The following MYRIP variants were observed in gnomAD, a reference collection of about 807,000 sequenced individuals.
MYRIP encodes the protein myosin VIIA and Rab interacting protein.
MYRIP carries 49 observed loss-of-function variants against 98.0 expected under a neutral mutation model. The observed-to-expected ratio is 0.50, with a 90% CI of 0.40 to 0.63. The LOEUF (loss-of-function observed/expected upper bound fraction) is 0.63. MYRIP is among the 30% of genes least tolerant of loss of function. The pLI is 0.00. For missense variants in MYRIP, 1,004 were observed against 1,058.2 expected, an observed-to-expected ratio of 0.95 and a Z score of 0.71; for synonymous variants, 404 against 409.5, an observed-to-expected ratio of 0.99 and a Z score of 0.16.
intron 2 of MYRIP, among the ~76,000 whole-genome samples, chr3:39,991,815 T>A (rs1230020949): frequency 6.6e-6 from 1 of 152,244 alleles, no homozygotes; most frequent in African/African-American, 2.4e-5. Flanking sequence ...TCTACTGTGC[T>A]GTATAACTTT....
At position 40,019,154 on chromosome 3, in the gene MYRIP, A is replaced by G. The variant is rs368476715; in HGVS notation, c.111-24896A>G. 1.3e-3 allele frequency among the ~76,000 whole-genome samples: 204 copies of G among 152,232 alleles called. 3 individuals are homozygous for G. In the South Asian group the frequency reaches 0.04, roughly 30 times the overall value. On this transcript the variant is annotated intron_variant, in intron 2 of 16. Coordinates refer to ENST00000302541, the MANE Select transcript of MYRIP (RefSeq NM_015460.4). ...AAGTAGATTGATAGTTTCATTGCCC[A>G]TCATTGCCAATGAATTTGTCTTCTT...
chr3:40,113,888 A>G (rs972909281), intron 3 of MYRIP, among the ~76,000 whole-genome samples: 15 of 151,880 alleles, frequency 9.9e-5, no homozygotes, highest in African/African-American at 3.6e-4. Context: ...ACAGGGTTTC[A>G]CCATGTTAGC....
At chr3:40,139,414 G>A (rs1408168245) in intron 3 of MYRIP, among the ~76,000 whole-genome samples, 4 of 152,156 alleles carry the variant, frequency 2.6e-5, no homozygotes, top group African/African-American at 7.2e-5. Flanking sequence ...TGTCAGTCCC[G>A]CTGCTGGCTC....
intron 8 of MYRIP, among the ~76,000 whole-genome samples, chr3:40,177,979 G>A (rs914603130): frequency 2.0e-5 from 3 of 151,962 alleles, no homozygotes; most frequent in African/African-American, 7.3e-5. Context: ...AGTACTTTTT[G>A]TCATTGCTAT....
intron 1 of MYRIP, among the ~76,000 whole-genome samples, chr3:39,890,035 C>A (rs1167256843): frequency 6.6e-6 from 1 of 152,040 alleles, no homozygotes; most frequent in Non-Finnish European, 1.5e-5. Context: ...TTCTCTACTC[C>A]TCCCAGATAA....
chr3:39,968,607 T>C (rs1001132093), intron 2 of MYRIP, among the ~76,000 whole-genome samples: 3 of 152,206 alleles, frequency 2.0e-5, no homozygotes, highest in Non-Finnish European at 4.4e-5. Flanking sequence ...CTTATTTTTG[T>C]CAGTTTTCTT....
At chr3:40,097,271 C>T (rs1228352034) in intron 3 of MYRIP, among the ~76,000 whole-genome samples, 1 of 152,138 alleles carries the variant, frequency 6.6e-6, no homozygotes, top group Admixed American at 6.5e-5. Context: ...AAAGAGAGAT[C>T]AAGTAACTTG....
chr3:39,956,381 A>G (rs1945162838), intron 2 of MYRIP, among the ~76,000 whole-genome samples: 1 of 152,196 alleles, frequency 6.6e-6, no homozygotes, highest in Non-Finnish European at 1.5e-5. Context: ...AACTCACTCA[A>G]AACAACCCAA....
At chr3:39,831,967 A>G (rs955513557) in intron 1 of MYRIP, among the ~76,000 whole-genome samples, 1 of 152,238 alleles carries the variant, frequency 6.6e-6, no homozygotes, top group Non-Finnish European at 1.5e-5. Flanking sequence ...GGAAGAAGTT[A>G]GAGTTGTTTG....
rs1575572940 is a variant in MYRIP, at chr3:40,143,865, C to G, written c.333-7183C>G. ...ACCTGTGGTTTTACAGCTCATTCCC[C>G]ACGGATTTGCTGTAGTCTTCCACCT... On this transcript the variant is annotated intron_variant, in intron 3 of 16. Coordinates refer to ENST00000302541, the MANE Select transcript of MYRIP (RefSeq NM_015460.4). Among the ~76,000 whole-genome samples, 2 of 152,302 alleles carry G rather than the reference C, an allele frequency of 1.3e-5. 1 individual carries two copies. Among genetic ancestry groups the G allele is most frequent in the South Asian group, 4.1e-4 (2 of 4,822 alleles).
At chr3:40,048,817 AAAATT>A (rs1419717307) in intron 3 of MYRIP, among the ~76,000 whole-genome samples, 26 of 152,196 alleles carry the variant, frequency 1.7e-4, no homozygotes, top group African/African-American at 6.0e-4. Flanking sequence ...GGGAGATTAA[AAAATT>A]AAATGTATTA....
intron 2 of MYRIP, among the ~76,000 whole-genome samples, chr3:39,988,396 A>T (rs1361362503): frequency 1.3e-5 from 2 of 151,782 alleles, no homozygotes; most frequent in African/African-American, 4.8e-5. Context: ...TGATAGTTTG[A>T]TGGGCTTCCC....
At chr3:40,188,258 A>G (rs922837950) in intron 9 of MYRIP, among the ~76,000 whole-genome samples, 1 of 152,152 alleles carries the variant, frequency 6.6e-6, no homozygotes, top group Admixed American at 6.5e-5. Flanking sequence ...CTTTCCTTTC[A>G]TTATGTGGAG....
intron 3 of MYRIP, among the ~76,000 whole-genome samples, chr3:40,082,391 G>T (rs559061800): frequency 1.6e-4 from 25 of 152,294 alleles, no homozygotes; most frequent in African/African-American, 5.8e-4. Flanking sequence ...GCTGAAATCA[G>T]TGCTCCCTGC....
chr3:40,098,740 T>TTGTGCGTGTGTGTGTGTG (rs746213546), intron 3 of MYRIP, among the ~76,000 whole-genome samples: 47 of 135,188 alleles, frequency 3.5e-4, no homozygotes, highest in Non-Finnish European at 7.2e-4. Context: ...GTCTCTCTCA[T>TTGTGCGTGTGTGTGTGTG]TGTGTGTGTG....
In MYRIP at chr3:40,122,669, G is replaced by A. The variant is rs935239313; in HGVS notation, c.333-28379G>A. ...GGGGACTAAAACTGGTCTATAAGAC[G>A]TTTTGATTTTTTCTTCATCTTTTAA... On this transcript the variant is annotated intron_variant, in intron 3 of 16. Transcript: ENST00000302541. Among the ~76,000 whole-genome samples the A allele has an allele frequency of 1.4e-4, 21 of 151,738 alleles. No individual in the cohort carries two copies. In the East Asian group the frequency reaches 1.7e-3, roughly 13 times the overall value.
At position 39,990,759 on chromosome 3, in the gene MYRIP, G is replaced by T. The variant is rs1191227175; in HGVS notation, c.111-53291G>T. Among the ~76,000 whole-genome samples, 7 of 152,308 alleles carry T rather than the reference G, an allele frequency of 4.6e-5. No homozygotes were observed. The East Asian group carries it at 1.3e-3, about 29-fold the overall frequency. On this transcript the variant is annotated intron_variant, in intron 2 of 16. Coordinates refer to ENST00000302541, the MANE Select transcript of MYRIP (RefSeq NM_015460.4). ...TTTTTCAGTTTCTAAGTGCAGGGCT[G>T]CCCTCTAGTGGACTCTGAATGCATG...
At chr3:39,945,476 C>CAAAA (rs67748992) in intron 2 of MYRIP, among the ~76,000 whole-genome samples, 20 of 65,160 alleles carry the variant, frequency 3.1e-4, no homozygotes, top group East Asian at 8.7e-4. Flanking sequence ...GACTCCATCT[C>CAAAA]AAAAAAAAAA....
At chr3:39,883,734 TAAATA>T (rs900541194) in intron 1 of MYRIP, among the ~76,000 whole-genome samples, 16 of 151,214 alleles carry the variant, frequency 1.1e-4, no homozygotes, top group African/African-American at 3.6e-4. Flanking sequence ...GAAGAGAAAA[TAAATA>T]AAAAAAGAAT....
Sources: allele counts gnomAD v4.1 joint callset (sites outside exome capture counted in the v4.1 genomes callset), GRCh38; gene constraint gnomAD v4.1.1; transcripts MANE v1.5; gene names NCBI Gene and HGNC (gene_info 2026-07-23, HGNC 2026-07-21).